The following XCR1 variants were observed in gnomAD, a reference collection of about 807,000 sequenced individuals.
The protein encoded by XCR1 is chemokine XC receptor 1.
For missense variants in XCR1, 356 were observed against 424.2 expected, an observed-to-expected ratio of 0.84 and a Z score of 1.41; for synonymous variants, 187 against 188.5, an observed-to-expected ratio of 0.99 and a Z score of 0.06.
Position 46,021,200 on chromosome 3 carries a change from G to C in XCR1, c.748C>G (p.Leu250Val). ...PYNFTLFLQT[L>V]FRTQIIRSCE... ...CTCCGGATGATCTGGGTCCGAAACA[G>C]CGTCTGCAGAAACAGGGTGAAGTTG... is the stretch of plus-strand genomic sequence containing the variant. The change falls in exon 2 of 2, where the codon CTG becomes GTG. Residue 250 changes from leucine (L) to valine (V), a missense_variant. Coordinates refer to ENST00000309285, the MANE Select transcript of XCR1 (RefSeq NM_001024644.2). This position sits in a 1 kb window ranked among gnomAD's most constrained non-coding sequence, Gnocchi z 4.7. 1 of 1,614,250 alleles carries C rather than the reference G, an allele frequency of 6.2e-7. No individual in the cohort carries two copies. The highest frequency in any genetic ancestry group is 8.5e-7 in the Non-Finnish European group (1 of 1,180,050).
At chr3:46,055,591 C>T (rs1697836416) in intron 4 of XCR1, among the ~76,000 whole-genome samples, 2 of 152,184 alleles carry the variant, frequency 1.3e-5, no homozygotes, top group East Asian at 1.9e-4. Context: ...AAGTTTCTTC[C>T]CATCTCCTCA....
chr3:46,044,829 T>C (rs1697595621), intron 5 of XCR1, among the ~76,000 whole-genome samples: 1 of 152,168 alleles, frequency 6.6e-6, no homozygotes, highest in South Asian at 2.1e-4. Flanking sequence ...GGTAGGCCTA[T>C]AGCTATTAAA....
chr3:46,051,582 G>T (rs1697744297), intron 5 of XCR1, among the ~76,000 whole-genome samples: 1 of 152,180 alleles, frequency 6.6e-6, no homozygotes, highest in African/African-American at 2.4e-5. Context: ...CTATGGGTTG[G>T]GGTAGATAGA....
At chr3:46,050,243 G>A (rs549995038) in intron 5 of XCR1, among the ~76,000 whole-genome samples, 2 of 152,304 alleles carry the variant, frequency 1.3e-5, no homozygotes, top group East Asian at 1.9e-4. Flanking sequence ...TTGCTGCAGC[G>A]AATTTAAAGA....
upstream of XCR1, among the ~76,000 whole-genome samples, chr3:46,028,598 C>CTT (rs1017522467): frequency 1.4e-5 from 2 of 143,662 alleles, no homozygotes; most frequent in Non-Finnish European, 3.1e-5. Flanking sequence ...CTTTTCTTTC[C>CTT]TTTTTTTTTT....
chr3:46,036,688 T>C (rs1004811410), intron 5 of XCR1, among the ~76,000 whole-genome samples: 5 of 152,244 alleles, frequency 3.3e-5, no homozygotes, highest in African/African-American at 1.2e-4. Context: ...TTGGCACAGG[T>C]TATAAAATGA....
chr3:46,065,693 G>C (rs1698056816), intron 4 of XCR1, among the ~76,000 whole-genome samples: 1 of 152,170 alleles, frequency 6.6e-6, no homozygotes, highest in South Asian at 2.1e-4. Flanking sequence ...CTTGCTCTCT[G>C]GGTCAGATCT....
intron 5 of XCR1, among the ~76,000 whole-genome samples, chr3:46,035,243 A>G (rs1330328676): frequency 6.6e-6 from 1 of 152,080 alleles, no homozygotes; most frequent in Non-Finnish European, 1.5e-5. Flanking sequence ...GTGAGCCACC[A>G]TGCCTGGCCC....
Position 46,019,285 on chromosome 3 carries a change from C to T in XCR1, c.*1661G>A, listed in dbSNP as rs1330221471. On this transcript the variant is annotated 3_prime_UTR_variant, in exon 2 of 2. Transcript: ENST00000309285. Reference sequence around the variant, plus strand: ...CCCCAGGGCATGGCTCCCCAAGAAGCATAAATCTGAAGGATAATAACAGCT... The same window carrying T: ...CCCCAGGGCATGGCTCCCCAAGAAGTATAAATCTGAAGGATAATAACAGCT... 6.6e-6 allele frequency: 1 copy of T among 152,196 alleles called. No individual in the cohort carries two copies. The highest frequency in any genetic ancestry group is 6.5e-5 in the Admixed American group (1 of 15,286). The allele number at this position is 152,196 out of a possible 1,614,324, so 9.4% of individuals were successfully genotyped here.
At position 46,018,653 on chromosome 3, in the gene XCR1, T is replaced by G. The variant is rs142093957; in HGVS notation, c.*2293A>C. On this transcript the variant is annotated 3_prime_UTR_variant, in exon 2 of 2. Coordinates refer to ENST00000309285, the MANE Select transcript of XCR1 (RefSeq NM_001024644.2). ...CAGCAGGTGCTACTGGCCTCATTAT[T>G]AAAACTAGGCCCTGGCTCTTCCCTA... is the stretch of plus-strand genomic sequence containing the variant. 9 of 152,286 alleles carry G rather than the reference T, an allele frequency of 5.9e-5. No individual in the cohort carries two copies. Among genetic ancestry groups the G allele is most frequent in the African/African-American group, 2.2e-4 (9 of 41,546 alleles). The allele number at this position is 152,286 out of a possible 1,614,324, so 9.4% of individuals were successfully genotyped here.
At chr3:46,058,186 G>A (rs1697889837) in intron 4 of XCR1, among the ~76,000 whole-genome samples, 1 of 152,120 alleles carries the variant, frequency 6.6e-6, no homozygotes, top group Non-Finnish European at 1.5e-5. Flanking sequence ...TGGTAAAGAG[G>A]GCATGGAATG....
intron 3 of XCR1, among the ~76,000 whole-genome samples, chr3:46,068,691 T>C (rs1698116559): frequency 6.6e-6 from 1 of 151,922 alleles, no homozygotes; most frequent in African/African-American, 2.4e-5. Flanking sequence ...TTCCTGTTTC[T>C]TGTTTACCAT....
intron 5 of XCR1, among the ~76,000 whole-genome samples, chr3:46,049,256 A>G (rs1218123127): frequency 1.3e-5 from 2 of 152,224 alleles, no homozygotes; most frequent in East Asian, 3.8e-4. Flanking sequence ...CATGCTGGCA[A>G]GTAGGACAGG....
At position 46,020,904 on chromosome 3, in the gene XCR1, T is replaced by C. The variant is rs772052336; in HGVS notation, c.*42A>G. 2.1e-5 allele frequency: 33 copies of C among 1,584,712 alleles called. No individual in the cohort carries two copies. The Middle Eastern group carries it at 5.4e-4, about 26-fold the overall frequency. On this transcript the variant is annotated 3_prime_UTR_variant, in exon 2 of 2. Transcript: ENST00000309285. ...CGCTTCTCCATGACCCCCATTCCAG[T>C]CCCTGTCCACCTGCACCTGCGCCTG...
chr3:46,021,390 G>A lies in XCR1; in HGVS notation c.558C>T (p.Ser186=), dbSNP rs758777371. The change falls in exon 2 of 2, where the codon TCC becomes TCT. Residue 186 remains serine, a synonymous_variant. Transcript: ENST00000309285. The surrounding 1 kb of genome is among the most constrained non-coding windows in gnomAD (Gnocchi z 4.7). ...GGAAGAAGAGGTTGTGCTGGTAGACGGAGGTGAGGTACCACGTGAGTTCGG... is the reference window on the plus strand; with the variant it reads ...GGAAGAAGAGGTTGTGCTGGTAGACAGAGGTGAGGTACCACGTGAGTTCGG... ...DYSELTWYLT[S]VYQHNLFFLL... 43 of 1,614,064 alleles carry A rather than the reference G, an allele frequency of 2.7e-5. No homozygotes were observed. Among genetic ancestry groups the A allele is most frequent in the South Asian group, 3.3e-5 (3 of 91,092 alleles).
chr3:46,059,004 A>G (rs2173640), intron 4 of XCR1, among the ~76,000 whole-genome samples: 107,206 of 152,160 alleles, frequency 0.7, 38,589 homozygotes, highest in East Asian at 0.94. Context: ...CTTTGCCAGC[A>G]GAAGCAGCCC....
intron 5 of XCR1, among the ~76,000 whole-genome samples, chr3:46,035,798 G>T (rs1244534719): frequency 6.6e-6 from 1 of 152,190 alleles, no homozygotes; most frequent in Non-Finnish European, 1.5e-5. Flanking sequence ...AGTGAGGGAA[G>T]CACCCTGTTT....
At chr3:46,056,243 A>G (rs1397865184) in intron 4 of XCR1, among the ~76,000 whole-genome samples, 2 of 152,068 alleles carry the variant, frequency 1.3e-5, no homozygotes, top group Non-Finnish European at 2.9e-5. Context: ...GGGTTTCACC[A>G]TGTTGGCCAG....
At chr3:46,048,460 A>T (rs1311347799) in intron 5 of XCR1, among the ~76,000 whole-genome samples, 1 of 152,014 alleles carries the variant, frequency 6.6e-6, no homozygotes, top group African/African-American at 2.4e-5. Flanking sequence ...GGTTGATGTC[A>T]TTGTGATTCT....
Sources: gnomAD v4.1 joint callset for allele counts (sites outside exome capture counted in the v4.1 genomes callset) on GRCh38, gnomAD v4.1.1 for gene constraint, Gnocchi (gnomAD v3.1) non-coding constraint, MANE v1.5 for transcripts, NCBI Gene and HGNC (gene_info 2026-07-23, HGNC 2026-07-21) for gene names.